Variants in EBF3 observed in about 807,000 individuals in gnomAD.
EBF3 encodes the protein EBF transcription factor 3.
In EBF3, 18 loss-of-function variants were observed where a neutral mutation model predicts 77.1. The observed-to-expected ratio is 0.23, with a 90% CI of 0.16 to 0.35. The LOEUF is 0.35. Ranked by LOEUF, EBF3 falls within the 10% of genes least tolerant of loss-of-function variation. EBF3 has a pLI of 1.00. For missense variants in EBF3, 558 were observed against 860.0 expected (o/e 0.65, Z 4.39); for synonymous variants, 350 against 343.5 (o/e 1.02, Z -0.21).
chr10:129,907,371 A>G (rs1483441062), intron 6 of EBF3, among the ~76,000 whole-genome samples: 1 of 152,224 alleles, frequency 6.6e-6, no homozygotes, highest in Non-Finnish European at 1.5e-5. Context: ...CTCCAGGAAT[A>G]TTTTATTAGG....
intron 15 of EBF3, 81 bp from the exon 16 acceptor site, chr10:129,839,276 G>A: frequency 1.6e-6 from 1 of 639,848 alleles, no homozygotes; most frequent in African/African-American, 1.9e-5. Flanking sequence ...GAGTCACTGG[G>A]AGGAGCATAT....
chr10:129,916,847 C>T (rs926763509), intron 6 of EBF3, among the ~76,000 whole-genome samples: 6 of 152,170 alleles, frequency 3.9e-5, no homozygotes, highest in Admixed American at 1.3e-4. Flanking sequence ...CGAAGGTGCT[C>T]CCTGGGAAAT....
At chr10:129,910,620 G>C (rs1044006686) in intron 6 of EBF3, among the ~76,000 whole-genome samples, 2 of 152,006 alleles carry the variant, frequency 1.3e-5, no homozygotes, top group Admixed American at 6.5e-5. Context: ...TGTACGGATT[G>C]TCCACCCAGC....
rs1178436821 is a variant in EBF3, at chr10:129,897,323, G to A, written c.555-19474C>T. On this transcript the variant is annotated intron_variant, in intron 6 of 16. Transcript: ENST00000440978. This position sits in a 1 kb window ranked among gnomAD's most constrained non-coding sequence, Gnocchi z 4.6. ...GAAAGGAGATGAGGCCCATGGCTGT[G>A]TGGGTGAGTTCTTGGGGGTACACCA... is the stretch of plus-strand genomic sequence containing the variant. 6.6e-6 allele frequency among the ~76,000 whole-genome samples: 1 copy of A among 152,192 alleles called. No homozygotes were observed. The highest frequency in any genetic ancestry group is 2.4e-5 in the African/African-American group (1 of 41,452).
In EBF3 at chr10:129,952,424, C is replaced by T. The variant is rs1196670714; in HGVS notation, c.554+4834G>A. On this transcript the variant is annotated intron_variant, in intron 6 of 16. Transcript: ENST00000440978. The surrounding 1 kb of genome is among the most constrained non-coding windows in gnomAD (Gnocchi z 4.7). Reference sequence around the variant, plus strand: ...ATATTATTTTTAAAATCCTCCTTGACAGGCCGGGGCTTAGCCAAAATGTAA... The same window carrying T: ...ATATTATTTTTAAAATCCTCCTTGATAGGCCGGGGCTTAGCCAAAATGTAA... 1.3e-5 allele frequency among the ~76,000 whole-genome samples: 2 copies of T among 152,236 alleles called. No individual in the cohort carries two copies. Among genetic ancestry groups the T allele is most frequent in the Admixed American group, 6.5e-5 (1 of 15,280 alleles).
intron 10 of EBF3, among the ~76,000 whole-genome samples, chr10:129,865,806 C>G (rs1229113614): frequency 6.6e-6 from 1 of 152,210 alleles, no homozygotes; most frequent in East Asian, 1.9e-4. Context: ...GCTTAGCATC[C>G]TCCATGTCAC....
chr10:129,905,562 T>C (rs564056560), intron 6 of EBF3, among the ~76,000 whole-genome samples: 11 of 152,130 alleles, frequency 7.2e-5, no homozygotes, highest in Non-Finnish European at 1.5e-4. Context: ...GCAGGCTGGG[T>C]CTCTCCAAGG....
rs975566162 is a variant in EBF3, at chr10:129,864,862, C to G, written c.1039+2279G>C. Reference sequence around the variant, plus strand: ...GGACTCGAGCAGAGTCCCACAGAACCCAGCCGAAGTTCACCCTCAGTGACT... The same window carrying G: ...GGACTCGAGCAGAGTCCCACAGAACGCAGCCGAAGTTCACCCTCAGTGACT... On this transcript the variant is annotated intron_variant, in intron 10 of 16. Transcript: ENST00000440978. This position sits in a 1 kb window ranked among gnomAD's most constrained non-coding sequence, Gnocchi z 4.4. Among the ~76,000 whole-genome samples, 2 of 152,216 alleles carry G rather than the reference C, an allele frequency of 1.3e-5. No individual in the cohort carries two copies. The highest frequency in any genetic ancestry group is 4.1e-4 in the South Asian group (2 of 4,824).
intron 6 of EBF3, among the ~76,000 whole-genome samples, chr10:129,913,724 G>A (rs1855681124): frequency 6.6e-6 from 1 of 152,256 alleles, no homozygotes; most frequent in South Asian, 2.1e-4. Context: ...GTCTGGCTGT[G>A]AGCCTCAGTT....
rs147387449 is a variant in EBF3, at chr10:129,909,278, C to T, written c.555-31429G>A. ...CTTGCAAGAAAGCAAATCCCATGGC[C>T]ATGAACACGGGGATCCCCAGCCTCC... is the stretch of plus-strand genomic sequence containing the variant. On this transcript the variant is annotated intron_variant, in intron 6 of 16. Transcript: ENST00000440978. Among the ~76,000 whole-genome samples the T allele has an allele frequency of 2.9e-3, 440 of 152,326 alleles. 5 individuals carry two copies. The highest frequency in any genetic ancestry group is 9.8e-3 in the African/African-American group (409 of 41,570).
chr10:129,923,702 A>G lies in EBF3; in HGVS notation c.554+33556T>C, dbSNP rs566335495. On this transcript the variant is annotated intron_variant, in intron 6 of 16. Coordinates refer to ENST00000440978, the MANE Select transcript of EBF3 (RefSeq NM_001375380.1). ...AAAACCATAAAACTCTTAAAAGAAA[A>G]CAGAGGGCAAAGATGTCGCAACATT... is the stretch of plus-strand genomic sequence containing the variant. Among the ~76,000 whole-genome samples the G allele has an allele frequency of 4.6e-4, 70 of 152,348 alleles. 1 individual carries two copies. Among genetic ancestry groups the G allele is most frequent in the South Asian group, 3.9e-3 (19 of 4,824 alleles).
chr10:129,878,617 G>C (rs1055887467), intron 6 of EBF3, among the ~76,000 whole-genome samples: 1 of 144,736 alleles, frequency 6.9e-6, no homozygotes, highest in Non-Finnish European at 1.5e-5. Context: ...AGCCGAGATC[G>C]TGCCAGTGCA....
rs1554890423 is a variant in EBF3 at position 129,836,636 on chromosome 10, T to TTTTTGAAATAGCATA, written c.*1306_*1307insTATGCTATTTCAAAA. On this transcript the variant is annotated 3_prime_UTR_variant, in exon 17 of 17. Transcript: ENST00000440978. ...GATGGAAAGTCTAAACAATAGCATA[T>TTTTTGAAATAGCATA]TTTTTGAAGTACAAATGAAATGTAA... 2 of 89,394 alleles carry TTTTTGAAATAGCATA rather than the reference T, an allele frequency of 2.2e-5. No homozygotes were observed. The highest frequency in any genetic ancestry group is 5.3e-4 in the South Asian group (2 of 3,754). 5.5% of individuals were successfully genotyped at this position (89,394 alleles called of 1,614,324 possible). A position where few individuals can be genotyped will look rare whatever the true frequency, so the allele number is the denominator to read the frequency against.
At chr10:129,877,925 G>T in intron 6 of EBF3, 76 bp from the exon 7 acceptor site, 1 of 1,180,904 alleles carries the variant, frequency 8.5e-7, no homozygotes, top group African/African-American at 1.5e-5. Flanking sequence ...AGACACTCTT[G>T]CGCAGGGAGG....
rs372236904 is a variant in EBF3 at position 129,867,108 on chromosome 10, G to A, written c.1039+33C>T. On this transcript the variant is annotated intron_variant, in intron 10 of 16. Transcript: ENST00000440978. ...TCCTGGTGGGGAGGAGGCCTCTACCGCTTTCCCGCAGAAGCTGGAGCTGTG... is the reference window on the plus strand; with the variant it reads ...TCCTGGTGGGGAGGAGGCCTCTACCACTTTCCCGCAGAAGCTGGAGCTGTG... The A allele has an allele frequency of 3.5e-5, 56 of 1,604,128 alleles. No homozygotes were observed. In the Middle Eastern group the frequency reaches 6.7e-4, roughly 19 times the overall value.
At chr10:129,883,280 A>G (rs1257386149) in intron 6 of EBF3, among the ~76,000 whole-genome samples, 2 of 152,146 alleles carry the variant, frequency 1.3e-5, no homozygotes, top group Non-Finnish European at 2.9e-5. Context: ...ACCCCCACGC[A>G]GGGTTAAGTG....
chr10:129,962,528 A>G (rs762069105), intron 3 of EBF3, among the ~76,000 whole-genome samples: 38 of 152,096 alleles, frequency 2.5e-4, no homozygotes, highest in African/African-American at 8.2e-4. Flanking sequence ...TATTTTTAGA[A>G]AAGAAAAAGC....
chr10:129,869,321 C>T (rs1228892865), intron 8 of EBF3, among the ~76,000 whole-genome samples: 4 of 152,164 alleles, frequency 2.6e-5, no homozygotes, highest in Non-Finnish European at 5.9e-5. Context: ...ACAGCAACCT[C>T]GAGGGCTACT....
chr10:129,856,387 A>C (rs1199379364), intron 10 of EBF3, among the ~76,000 whole-genome samples: 1 of 152,226 alleles, frequency 6.6e-6, no homozygotes, highest in African/African-American at 2.4e-5. Context: ...CAATGGAATA[A>C]TACTCAGCCA....
Sources: allele counts gnomAD v4.1 joint callset (sites outside exome capture counted in the v4.1 genomes callset), GRCh38; gene constraint gnomAD v4.1.1; non-coding constraint Gnocchi (gnomAD v3.1); transcripts MANE v1.5; gene names NCBI Gene and HGNC (gene_info 2026-07-23, HGNC 2026-07-21).